SCN8A: variants seen among roughly 807,000 people sequenced by gnomAD.
SCN8A encodes the protein sodium voltage-gated channel alpha subunit 8.
A neutral mutation model predicts 184.1 loss-of-function variants in SCN8A; 30 were observed. The ratio of observed to expected loss-of-function variants is 0.16; its 90% CI spans 0.12 to 0.22. The LOEUF (loss-of-function observed/expected upper bound fraction) is 0.22, where lower values mean the gene tolerates loss of function less well. Among genes scored for constraint, SCN8A ranks in the 10% least tolerant of loss-of-function variants. SCN8A has a pLI of 1.00. For synonymous variants in SCN8A, 852 were observed against 907.0 expected (o/e 0.94, Z 1.09); for missense variants, 1,057 against 2,498.9 (o/e 0.42, Z 12.30).
intron 15 of SCN8A, among the ~76,000 whole-genome samples, 174 bp downstream of exon 15, chr12:51,762,850 T>C (rs555083894): frequency 3.2e-4 from 48 of 152,350 alleles, no homozygotes; most frequent in African/African-American, 1.1e-3. Flanking sequence ...ATACCTGATA[T>C]GGAAGTTAGT....
chr12:51,610,055 A>G (rs1023669183), intron 1 of SCN8A, among the ~76,000 whole-genome samples: 3 of 151,494 alleles, frequency 2.0e-5, no homozygotes, highest in Non-Finnish European at 4.4e-5. Flanking sequence ...CTGTAATCCC[A>G]GCTACTCCGG....
chr12:51,680,077 A>G (rs1007873355), intron 2 of SCN8A, among the ~76,000 whole-genome samples: 4 of 152,190 alleles, frequency 2.6e-5, no homozygotes, highest in African/African-American at 9.6e-5. Flanking sequence ...TAATTATTTC[A>G]ATAATAAAAC....
chr12:51,688,700 A>C, intron 5 of SCN8A: 1 of 1,267,336 alleles, frequency 7.9e-7, no homozygotes, highest in Non-Finnish European at 1.2e-6. Flanking sequence ...TCTTCCCCCC[A>C]TTCTCAAACC....
chr12:51,659,003 A>G (rs1256360671), intron 1 of SCN8A, among the ~76,000 whole-genome samples: 1 of 152,210 alleles, frequency 6.6e-6, no homozygotes, highest in Non-Finnish European at 1.5e-5. Flanking sequence ...CCAAAAAGAA[A>G]TAAAGGTATG....
intron 8 of SCN8A, among the ~76,000 whole-genome samples, chr12:51,702,321 C>CAAAAAAA (rs747855764): frequency 1.3e-5 from 1 of 76,602 alleles, no homozygotes; most frequent in Non-Finnish European, 2.8e-5. Flanking sequence ...GACTCTGTAT[C>CAAAAAAA]AAAAAAAAAA....
At chr12:51,656,901 G>C (rs1940832001) in intron 1 of SCN8A, among the ~76,000 whole-genome samples, 2 of 152,106 alleles carry the variant, frequency 1.3e-5, no homozygotes, top group Admixed American at 1.3e-4. Flanking sequence ...TTATATTGCT[G>C]TTGGGAATAC....
intron 5 of SCN8A, among the ~76,000 whole-genome samples, chr12:51,688,145 C>T (rs1565887292): frequency 2.0e-5 from 3 of 152,280 alleles, no homozygotes; most frequent in East Asian, 3.9e-4. Context: ...TTTTAAGTGT[C>T]CTTGCTAGGC....
chr12:51,801,290 T>A (rs928284614), intron 26 of SCN8A, among the ~76,000 whole-genome samples: 2 of 152,184 alleles, frequency 1.3e-5, no homozygotes, highest in African/African-American at 4.8e-5. Flanking sequence ...AATTATCCAG[T>A]TAAGTGACTG....
At chr12:51,795,952 T>A (rs1218805308) in intron 26 of SCN8A, among the ~76,000 whole-genome samples, 1 of 146,426 alleles carries the variant, frequency 6.8e-6, no homozygotes, top group Non-Finnish European at 1.5e-5. Context: ...GAGGCTGAGG[T>A]GGGAGGATTG....
rs369913518 is a variant in SCN8A at position 51,712,532 on chromosome 12, G to A, written c.1635+5817G>A. On this transcript the variant is annotated intron_variant, in intron 11 of 26. Transcript: ENST00000627620. The stretch of plus-strand genomic sequence containing the variant: ...ATAACCACCACCATAGGGACTGCCC[G>A]AGCTTCTTCCACCAAAACTTCCCCC... The A allele has an allele frequency of 9.7e-5, 75 of 774,324 alleles. No individual in the cohort carries two copies. The African/African-American group carries it at 1.0e-3, about 11-fold the overall frequency. The allele number at this position is 774,324 out of a possible 1,614,324, so 48.0% of individuals were successfully genotyped here. A position where few individuals can be genotyped will look rare whatever the true frequency, so the allele number is the denominator to read the frequency against.
chr12:51,780,982 C>T (rs1262753321), intron 21 of SCN8A, among the ~76,000 whole-genome samples: 7 of 152,138 alleles, frequency 4.6e-5, no homozygotes, highest in African/African-American at 1.7e-4. Context: ...CCACCCCCAA[C>T]AACATGCCAT....
chr12:51,779,956 T>C (rs1244576456), intron 20 of SCN8A, among the ~76,000 whole-genome samples: 15 of 151,512 alleles, frequency 9.9e-5, no homozygotes, highest in African/African-American at 2.9e-4. Flanking sequence ...ATTTAAAAGA[T>C]AGAGATAGAA....
In SCN8A at chr12:51,786,556, C is replaced by T. The variant is rs764790057; in HGVS notation, c.3957C>T (p.Ala1319=). 1.5e-4 allele frequency: 249 copies of T among 1,614,024 alleles called. 4 individuals are homozygous for T. The highest frequency in any genetic ancestry group is 1.5e-3 in the South Asian group (134 of 91,084). The part of the protein sequence containing the change: ...RFEGMRVVVN[A]LVGAIPSIMN... Reference sequence around the variant, plus strand: ...TTCCAATGCAGGTGGTGGTGAATGCCTTGGTGGGCGCCATCCCCTCCATCA... The same window carrying T: ...TTCCAATGCAGGTGGTGGTGAATGCTTTGGTGGGCGCCATCCCCTCCATCA... The change falls in exon 22 of 27, where the codon GCC becomes GCT. Residue 1319 remains alanine, a synonymous_variant. Coordinates refer to ENST00000627620, the MANE Select transcript of SCN8A (RefSeq NM_001330260.2).
rs1335419715 is a variant in SCN8A, at chr12:51,688,863, G to T, written c.615-142G>T. On this transcript the variant is annotated intron_variant, in intron 5 of 26. Coordinates refer to ENST00000627620, the MANE Select transcript of SCN8A (RefSeq NM_001330260.2). ...CGGTAATCCCAGGTAAGATGGTCCG[G>T]GGTTGGTGTTAGGTGTTGGGATAGG... The T allele has an allele frequency of 1.2e-6, 2 of 1,609,632 alleles. No individual in the cohort carries two copies. The highest frequency in any genetic ancestry group is 3.3e-5 in the Admixed American group (2 of 59,968).
intron 14 of SCN8A, among the ~76,000 whole-genome samples, chr12:51,760,623 G>A (rs961550110): frequency 1.3e-5 from 2 of 152,204 alleles, no homozygotes; most frequent in African/African-American, 4.8e-5. Context: ...AACCTCCGAT[G>A]GGTTTACACT....
At chr12:51,666,683 A>C (rs1381901127) in intron 2 of SCN8A, among the ~76,000 whole-genome samples, 1 of 152,184 alleles carries the variant, frequency 6.6e-6, no homozygotes, top group African/African-American at 2.4e-5. Context: ...ACTCTCACAA[A>C]AACTTGTTTC....
Position 51,789,501 on chromosome 12 carries a change from G to A in SCN8A, c.4419+83G>A, listed in dbSNP as rs1341178544. On this transcript the variant is annotated intron_variant, in intron 24 of 26. Transcript: ENST00000627620. The stretch of plus-strand genomic sequence containing the variant: ...TTGTCCCTATCTCTAGAAAGAAAAT[G>A]TCCCTCTTTCTTTCTCTAAAATCTA... The A allele has an allele frequency of 6.3e-6, 9 of 1,420,326 alleles. No homozygotes were observed. The East Asian group carries it at 1.8e-4, about 29-fold the overall frequency. 88.0% of individuals were successfully genotyped at this position (1,420,326 alleles called of 1,614,324 possible).
chr12:51,687,619 G>A (rs576608565), intron 5 of SCN8A, among the ~76,000 whole-genome samples: 9 of 152,260 alleles, frequency 5.9e-5, no homozygotes, highest in Admixed American at 4.6e-4. Context: ...ATGTCTTACC[G>A]TATGTAATTT....
At chr12:51,687,010 A>G (rs1941430605) in intron 4 of SCN8A, 81 bp from the exon 5 acceptor site, 2 of 1,479,694 alleles carry the variant, frequency 1.4e-6, no homozygotes, top group African/African-American at 2.8e-5. Flanking sequence ...TTGAAGCAAC[A>G]CTTCAGGCAA....
Sources: allele counts gnomAD v4.1 joint callset (sites outside exome capture counted in the v4.1 genomes callset), GRCh38; gene constraint gnomAD v4.1.1; transcripts MANE v1.5; gene names NCBI Gene and HGNC (gene_info 2026-07-23, HGNC 2026-07-21).